PRPF19: variants seen among roughly 807,000 people sequenced by gnomAD.
PRPF19 encodes pre-mRNA processing factor 19, also known as pre-mRNA-processing factor 19.
Under a neutral mutation model 64.2 loss-of-function variants are expected in PRPF19, and 2 were observed. That is an observed-to-expected ratio of 0.03 (90% CI 0.01 to 0.10). The LOEUF is 0.10. Among genes scored for constraint, PRPF19 ranks in the 10% least tolerant of loss-of-function variants. The probability of loss-of-function intolerance (pLI) is 1.00; values close to 1 mark genes in which losing one functional copy is unlikely to be tolerated. For missense variants in PRPF19, 314 were observed against 650.0 expected (o/e 0.48, Z 5.62); for synonymous variants, 226 against 251.6 (o/e 0.90, Z 0.96).
chr11:60,901,345 G>C lies in PRPF19; in HGVS notation c.592C>G (p.Leu198Val). 1 of 1,614,212 alleles carries C rather than the reference G, an allele frequency of 6.2e-7. No homozygotes were observed. Among genetic ancestry groups the C allele is most frequent in the South Asian group, 1.1e-5 (1 of 91,084 alleles). The change falls in exon 8 of 16, where the codon CTG (leucine) becomes GTG (valine). Residue 198 changes from leucine (L) to valine (V), a missense_variant. Around this residue, in one of 7 missense-constraint regions of PRPF19, gnomAD observed 175 missense variants for 342.9 expected, o/e 0.51. Transcript: ENST00000227524. ...KKRGKTVPEELVKPEELSKYR... is the reference protein window; with the variant it reads ...KKRGKTVPEEVVKPEELSKYR... ...TTGCTGAGCTCTTCTGGCTTCACCA[G>C]CTCCTCAGGCACAGTCTTCCCTCTC...
intron 1 of PRPF19, 108 bp downstream of exon 1, chr11:60,906,256 G>T: frequency 2.1e-6 from 3 of 1,430,974 alleles, no homozygotes; most frequent in Non-Finnish European, 9.1e-7. Flanking sequence ...CCTCCGGAGC[G>T]CCCCATTCCC....
In PRPF19 at chr11:60,903,402, C is replaced by A. The variant is rs191876286; in HGVS notation, c.246+57G>T. 1.2e-4 allele frequency: 176 copies of A among 1,529,706 alleles called. No homozygotes were observed. The African/African-American group carries it at 2.0e-3, about 17-fold the overall frequency. 94.8% of individuals were successfully genotyped at this position (1,529,706 alleles called of 1,614,324 possible). A position where few individuals can be genotyped will look rare whatever the true frequency, so the allele number is the denominator to read the frequency against. ...CATCCTTCCTACCCCCAAGTCCTAACCCAGCAATGCATTCTCTTCAAGTGG... is the reference window on the plus strand; with the variant it reads ...CATCCTTCCTACCCCCAAGTCCTAAACCAGCAATGCATTCTCTTCAAGTGG... On this transcript the variant is annotated intron_variant, in intron 3 of 15. Coordinates refer to ENST00000227524, the MANE Select transcript of PRPF19 (RefSeq NM_014502.5).
rs180951671 is a variant in PRPF19 at position 60,900,517 on chromosome 11, G to A, written c.828+65C>T. On this transcript the variant is annotated intron_variant, in intron 10 of 15. Transcript: ENST00000227524. The stretch of plus-strand genomic sequence containing the variant: ...CCAGCCCCACTTCACAGAGACAGCA[G>A]CGGGGTGAGGGACAAACAACAGCCA... The A allele has an allele frequency of 3.6e-5, 46 of 1,279,646 alleles. No individual in the cohort carries two copies. The Admixed American group carries it at 4.0e-4, about 11-fold the overall frequency. The allele number at this position is 1,279,646 out of a possible 1,614,324, so 79.3% of individuals were successfully genotyped here. A position where few individuals can be genotyped will look rare whatever the true frequency, so the allele number is the denominator to read the frequency against.
intron 1 of PRPF19, chr11:60,905,395 G>C (rs1051676667): frequency 6.6e-6 from 1 of 151,932 alleles, no homozygotes; most frequent in Admixed American, 6.5e-5. Flanking sequence ...CAAAGTGAGG[G>C]ATTCCTTTTC....
rs763891609 is a variant in PRPF19 at position 60,900,666 on chromosome 11, C to T, written c.744G>A (p.Val248=). Residue 248 remains valine (V), a synonymous_variant, in exon 10 of 16, where the codon GTG becomes GTA. Transcript: ENST00000227524. ...GGATTTGTTCAGAACTTTTGTCAAA[C>T]ACAACGACATTTTTATCCGCCCCAC... ...LTGGADKNVV[V]FDKSSEQILA... is the part of the protein sequence containing the mutation. 2 of 1,559,378 alleles carry T rather than the reference C, an allele frequency of 1.3e-6. No individual in the cohort carries two copies. The highest frequency in any genetic ancestry group is 1.7e-6 in the Non-Finnish European group (2 of 1,150,184).
At position 60,898,081 on chromosome 11, in the gene PRPF19, G is replaced by A. The variant is rs1356879313; in HGVS notation, c.1311+20C>T. ...ACAAGGAGACACAATGGAAAGCTGG[G>A]CGGAGGGGGAAGGGCACACCTCAAA... On this transcript the variant is annotated intron_variant, in intron 14 of 15. Transcript: ENST00000227524. This position sits in a 1 kb window ranked among gnomAD's most constrained non-coding sequence, Gnocchi z 4.6. 1.2e-6 allele frequency: 2 copies of A among 1,611,384 alleles called. No homozygotes were observed. The highest frequency in any genetic ancestry group is 1.7e-6 in the Non-Finnish European group (2 of 1,178,234).
intron 7 of PRPF19, 61 bp downstream of exon 7, chr11:60,901,438 A>G: frequency 1.9e-6 from 3 of 1,613,592 alleles, no homozygotes; most frequent in Non-Finnish European, 2.5e-6. Context: ...TCTCTCTCCT[A>G]AGGAGTCAAC....
At chr11:60,892,316 T>C (rs1855869861) in intron 15 of PRPF19, among the ~76,000 whole-genome samples, 1 of 152,238 alleles carries the variant, frequency 6.6e-6, no homozygotes, top group Non-Finnish European at 1.5e-5. Context: ...AACCTGACTA[T>C]AAATTACATC....
chr11:60,901,672 T>A, intron 6 of PRPF19, 132 bp from the exon 7 acceptor site: 1 of 1,003,044 alleles, frequency 1.0e-6, no homozygotes, highest in Non-Finnish European at 1.5e-6. Context: ...GTTACAGGCT[T>A]AAAGGCATTC....
chr11:60,906,297 A>C, intron 1 of PRPF19, 67 bp downstream of exon 1: 1 of 1,537,892 alleles, frequency 6.5e-7, no homozygotes, highest in Admixed American at 2.0e-5. Context: ...GCCGCAGCGG[A>C]CCGCACACGC....
At position 60,901,516 on chromosome 11, in the gene PRPF19, T is replaced by C; in HGVS notation, c.550A>G (p.Thr184Ala). 1 of 1,614,198 alleles carries C rather than the reference T, an allele frequency of 6.2e-7. No homozygotes were observed. Among genetic ancestry groups the C allele is most frequent in the Non-Finnish European group, 8.5e-7 (1 of 1,180,030 alleles). The change falls in exon 7 of 16, where the codon ACC becomes GCC. Residue 184 changes from threonine to alanine, a missense_variant. Thr to Ala is a moderately conservative substitution (Grantham distance 58, BLOSUM62 0). Transcript: ENST00000227524. ...GAACTCACCTTCTTGCGCTCCGTGG[T>C]TAGCACAGTGGCTTTGTCTTGAAGC... ...QKLQDKATVL[T>A]TERKKRGKTV...
chr11:60,896,503 C>G (rs1855921837), intron 15 of PRPF19, among the ~76,000 whole-genome samples: 1 of 152,104 alleles, frequency 6.6e-6, no homozygotes, highest in Non-Finnish European at 1.5e-5. Flanking sequence ...GTGGTTACCC[C>G]CATGCTGTTC....
At chr11:60,899,604 C>T (rs1855959781) in intron 10 of PRPF19, among the ~76,000 whole-genome samples, 1 of 152,190 alleles carries the variant, frequency 6.6e-6, no homozygotes, top group African/African-American at 2.4e-5. Context: ...AAAAATGTAG[C>T]TAGTACAATT....
At position 60,898,819 on chromosome 11, in the gene PRPF19, T is replaced by C. The variant is rs775554811; in HGVS notation, c.1054+43A>G. The C allele has an allele frequency of 3.3e-6, 5 of 1,511,616 alleles. No homozygotes were observed. The East Asian group carries it at 7.2e-5, about 22-fold the overall frequency. The allele number at this position is 1,511,616 out of a possible 1,614,324, so 93.6% of individuals were successfully genotyped here. The stretch of plus-strand genomic sequence containing the variant: ...CTAAATAAAATGTAAAAATAAATAA[T>C]AAACAGCAAACAAAAAAGCTGAGTG... On this transcript the variant is annotated intron_variant, in intron 12 of 15. Transcript: ENST00000227524. This position sits in a 1 kb window ranked among gnomAD's most constrained non-coding sequence, Gnocchi z 4.6.
Position 60,890,626 on chromosome 11 carries a change from AG to A in PRPF19, c.*539del. 1 of 363,218 alleles carries A rather than the reference AG, an allele frequency of 2.8e-6. No individual in the cohort carries two copies. 22.5% of individuals were successfully genotyped at this position (363,218 alleles called of 1,614,324 possible). On this transcript the variant is annotated 3_prime_UTR_variant, in exon 16 of 16. Coordinates refer to ENST00000227524, the MANE Select transcript of PRPF19 (RefSeq NM_014502.5). Reference sequence around the variant, plus strand: ...GGGTAAGAGCTGTGAAAGGAAAGGAAGATGGGCTTCCCGGAAGCCAGTGTCC... The same window carrying A: ...GGGTAAGAGCTGTGAAAGGAAAGGAAATGGGCTTCCCGGAAGCCAGTGTCC...
At chr11:60,900,002 T>C (rs1286255305) in intron 10 of PRPF19, among the ~76,000 whole-genome samples, 2 of 152,224 alleles carry the variant, frequency 1.3e-5, no homozygotes, top group African/African-American at 2.4e-5. Context: ...TATTTCTCAT[T>C]TCCCTAAGGT....
chr11:60,894,813 T>A (rs778689549), intron 15 of PRPF19, among the ~76,000 whole-genome samples: 1 of 152,242 alleles, frequency 6.6e-6, no homozygotes, highest in East Asian at 1.9e-4. Context: ...CCTTGATCCA[T>A]AAGCCGAAGA....
Position 60,900,903 on chromosome 11 carries a change from C to T in PRPF19, c.669G>A (p.Gly223=). 1 of 1,614,110 alleles carries T rather than the reference C, an allele frequency of 6.2e-7. No individual in the cohort carries two copies. The highest frequency in any genetic ancestry group is 8.5e-7 in the Non-Finnish European group (1 of 1,180,014). The change falls in exon 9 of 16, where the codon GGG becomes GGA. Residue 223 remains glycine, a synonymous_variant. Coordinates refer to ENST00000227524, the MANE Select transcript of PRPF19 (RefSeq NM_014502.5). The stretch of plus-strand genomic sequence containing the variant: ...ACGGGCAGAGGTCCAGGGCCAGGAT[C>T]CCAGGAATGCTGGCACTGTGCAACC... ...HVGLHSASIP[G]ILALDLCPSD... is the part of the protein sequence containing the mutation.
chr11:60,892,076 T>C (rs942440566), intron 15 of PRPF19, among the ~76,000 whole-genome samples: 3 of 152,188 alleles, frequency 2.0e-5, no homozygotes, highest in Non-Finnish European at 2.9e-5. Flanking sequence ...CATATTAGCA[T>C]GCCATCTCCA....
Sources: gnomAD v4.1 joint callset for allele counts (sites outside exome capture counted in the v4.1 genomes callset) on GRCh38, gnomAD v4.1.1 for gene constraint, gnomAD v4.1.1 regional missense constraint, Gnocchi (gnomAD v3.1) non-coding constraint, MANE v1.5 for transcripts, NCBI Gene and HGNC (gene_info 2026-07-23, HGNC 2026-07-21) for gene names.